The following ST3GAL5 variants were observed in gnomAD, a reference collection of about 807,000 sequenced individuals.
ST3GAL5 encodes the protein lactosylceramide alpha-2,3-sialyltransferase.
ST3GAL5 carries 25 observed loss-of-function variants against 46.1 expected under a neutral mutation model. The ratio of observed to expected loss-of-function variants is 0.54; its 90% CI spans 0.40 to 0.76. ST3GAL5 has a LOEUF of 0.76. Ranked by LOEUF, ST3GAL5 falls within the 30% of genes least tolerant of loss-of-function variation. The probability of loss-of-function intolerance (pLI) is 0.00; values close to 1 mark genes in which losing one functional copy is unlikely to be tolerated. For synonymous variants in ST3GAL5, 182 were observed against 192.7 expected (o/e 0.94, Z 0.46); for missense variants, 431 against 521.2 (o/e 0.83, Z 1.69).
intron 1 of ST3GAL5, among the ~76,000 whole-genome samples, chr2:85,876,350 C>T (rs1202437239): frequency 6.6e-6 from 1 of 152,238 alleles, no homozygotes; most frequent in African/African-American, 2.4e-5. Context: ...GACTGCAGTC[C>T]CCTAAAATAG....
rs576456729 is a variant in ST3GAL5 at position 85,837,659 on chromosome 2, A to C, written c.*2485T>G. 4 of 152,350 alleles carry C rather than the reference A, an allele frequency of 2.6e-5. No individual in the cohort carries two copies. The East Asian group carries it at 5.8e-4, about 22-fold the overall frequency. 9.4% of individuals were successfully genotyped at this position (152,350 alleles called of 1,614,324 possible). On this transcript the variant is annotated 3_prime_UTR_variant, in exon 7 of 7. Transcript: ENST00000638572. The stretch of plus-strand genomic sequence containing the variant: ...AGATTTGCTCCTTATAATTACACAA[A>C]TGTATTACATTATCACATGGACCCT...
chr2:85,841,120 C>T (rs13014890), intron 6 of ST3GAL5, among the ~76,000 whole-genome samples: 26,128 of 151,204 alleles, frequency 0.17, 2,792 homozygotes, highest in South Asian at 0.34. Flanking sequence ...GGACCTTCCA[C>T]GGTCCTTCCC....
At chr2:85,864,156 T>G (rs1469746044) in intron 1 of ST3GAL5, among the ~76,000 whole-genome samples, 1 of 152,200 alleles carries the variant, frequency 6.6e-6, no homozygotes, top group Admixed American at 6.5e-5. Context: ...TTCTACATCT[T>G]GACTGTATCC....
chr2:85,872,971 C>T (rs933495968), intron 1 of ST3GAL5, among the ~76,000 whole-genome samples: 6 of 152,202 alleles, frequency 3.9e-5, no homozygotes, highest in East Asian at 1.9e-4. Flanking sequence ...ACTACAGCAG[C>T]GGCATGGGGC....
intron 3 of ST3GAL5, 101 bp from the exon 4 acceptor site, chr2:85,848,305 C>A (rs990725138): frequency 6.2e-7 from 1 of 1,610,370 alleles, no homozygotes; most frequent in East Asian, 2.2e-5. Flanking sequence ...ATGTAGCTCC[C>A]GTGTTGATTA....
intron 1 of ST3GAL5, among the ~76,000 whole-genome samples, chr2:85,882,733 T>C (rs571984217): frequency 6.6e-6 from 1 of 151,014 alleles, no homozygotes; most frequent in South Asian, 2.1e-4. Context: ...CTTGGGAGAC[T>C]GAGGCAGGAG....
chr2:85,846,599 A>G lies in ST3GAL5; in HGVS notation c.663-36T>C, dbSNP rs1428994100. 8 of 1,604,882 alleles carry G rather than the reference A, an allele frequency of 5.0e-6. No individual in the cohort carries two copies. In the Admixed American group the frequency reaches 1.0e-4, roughly 20 times the overall value. Reference sequence around the variant, plus strand: ...AAAAAGGACAAAGACACACTGACAAAGCAGGCCATCAACCATCTCTGTACA... The same window carrying G: ...AAAAAGGACAAAGACACACTGACAAGGCAGGCCATCAACCATCTCTGTACA... On this transcript the variant is annotated intron_variant, in intron 4 of 6. Transcript: ENST00000638572.
intron 4 of ST3GAL5, 146 bp from the exon 5 acceptor site, chr2:85,846,709 C>T (rs967054220): frequency 2.8e-6 from 2 of 719,238 alleles, no homozygotes; most frequent in Admixed American, 5.0e-5. Context: ...CCCCTCCCAG[C>T]TCTGTCTTTC....
rs886056394 is a variant in ST3GAL5 at position 85,888,958 on chromosome 2, C to T, written c.-53G>A. ...CAGCCCGGTACCCCGCGCCCCCACC[C>T]GCCCCCAGCGCCGCTCTCGCGCCCA... On this transcript the variant is annotated 5_prime_UTR_variant, in exon 1 of 7. Transcript: ENST00000638572. 1.6e-6 allele frequency: 2 copies of T among 1,228,540 alleles called. No individual in the cohort carries two copies. The highest frequency in any genetic ancestry group is 2.0e-6 in the Non-Finnish European group (2 of 977,974). The allele number at this position is 1,228,540 out of a possible 1,614,324, so 76.1% of individuals were successfully genotyped here.
intron 1 of ST3GAL5, among the ~76,000 whole-genome samples, chr2:85,876,465 T>TC (rs1686584431): frequency 7.0e-6 from 1 of 143,710 alleles, no homozygotes; most frequent in Non-Finnish European, 1.5e-5. Flanking sequence ...CTTTTTCCTT[T>TC]TTTTTTTTTT....
intron 3 of ST3GAL5, 94 bp downstream of exon 3, chr2:85,861,087 A>T (rs1218165133): frequency 7.6e-6 from 7 of 927,130 alleles, no homozygotes; most frequent in Non-Finnish European, 1.2e-5. Context: ...ACTTTTATTA[A>T]CATATATTTG....
At chr2:85,851,492 G>A in intron 3 of ST3GAL5, 6 of 1,281,724 alleles carry the variant, frequency 4.7e-6, no homozygotes, top group Non-Finnish European at 6.1e-6. Context: ...GACCACATGG[G>A]CCATGTCCTC....
At chr2:85,883,664 G>T (rs567632559) in intron 1 of ST3GAL5, among the ~76,000 whole-genome samples, 1 of 152,302 alleles carries the variant, frequency 6.6e-6, no homozygotes, top group South Asian at 2.1e-4. Context: ...CAAGTGCAGT[G>T]TGCCTAAAGG....
chr2:85,853,373 G>A (rs945032099), intron 3 of ST3GAL5: 10 of 329,402 alleles, frequency 3.0e-5, no homozygotes, highest in Non-Finnish European at 4.2e-5. Flanking sequence ...GGGGACCAGC[G>A]TCACCAGACA....
At chr2:85,863,774 C>T (rs1033383917) in intron 1 of ST3GAL5, among the ~76,000 whole-genome samples, 12 of 151,232 alleles carry the variant, frequency 7.9e-5, no homozygotes, top group African/African-American at 2.9e-4. Context: ...GTGGCGTGAT[C>T]TCAGCTCACT....
At chr2:85,851,502 C>T (rs1683500370) in intron 3 of ST3GAL5, 25 of 1,285,646 alleles carry the variant, frequency 1.9e-5, no homozygotes, top group Non-Finnish European at 2.5e-5. Flanking sequence ...GCCATGTCCT[C>T]CACTCTGGGA....
chr2:85,884,105 G>A (rs990204328), intron 1 of ST3GAL5, among the ~76,000 whole-genome samples: 1 of 152,166 alleles, frequency 6.6e-6, no homozygotes, highest in Non-Finnish European at 1.5e-5. Flanking sequence ...GCCCCCTATG[G>A]CTTCTTAACC....
chr2:85,863,549 T>C (rs1010917585), intron 1 of ST3GAL5, 64 bp from the exon 2 acceptor site: 3 of 1,589,024 alleles, frequency 1.9e-6, no homozygotes, highest in African/African-American at 1.3e-5. Context: ...GGATGGATTA[T>C]GGTTTTCAAA....
chr2:85,856,905 G>A (rs970949450), intron 3 of ST3GAL5, among the ~76,000 whole-genome samples: 4 of 150,328 alleles, frequency 2.7e-5, no homozygotes, highest in African/African-American at 9.8e-5. Context: ...ACTATGTGGT[G>A]TGTTAATTAT....
Sources: gnomAD v4.1 joint callset for allele counts (sites outside exome capture counted in the v4.1 genomes callset) on GRCh38, gnomAD v4.1.1 for gene constraint, MANE v1.5 for transcripts, NCBI Gene and HGNC (gene_info 2026-07-23, HGNC 2026-07-21) for gene names.